Variants in FOXO3B observed in about 807,000 individuals in gnomAD.
FOXO3B encodes forkhead box protein O3B.
Under a neutral mutation model 21.9 loss-of-function variants are expected in FOXO3B, and 15 were observed. The observed-to-expected ratio is 0.68, with a 90% CI of 0.46 to 1.05. The LOEUF (loss-of-function observed/expected upper bound fraction) is 1.05, where lower values mean the gene tolerates loss of function less well. Ranked by LOEUF, FOXO3B falls within the 50% of genes least tolerant of loss-of-function variation. The pLI is 0.00. For synonymous variants in FOXO3B, 135 were observed against 213.6 expected, an observed-to-expected ratio of 0.63 and a Z score of 3.21; for missense variants, 293 against 435.5, an observed-to-expected ratio of 0.67 and a Z score of 2.91.
rs2032342541 is a variant in FOXO3B, at chr17:18,670,489, A to C, written c.*1820T>G. ...ATACCGCAAGTTAATGCATGTGAAA[A>C]ACTCAGAAAGTCAAAGGAAAACAAA... On this transcript the variant is annotated 3_prime_UTR_variant, in exon 4 of 4. Coordinates refer to ENST00000395675, the MANE Select transcript of FOXO3B (RefSeq NM_001368135.1). Among the ~76,000 whole-genome samples, 1 of 152,212 alleles carries C rather than the reference A, an allele frequency of 6.6e-6. No homozygotes were observed. The highest frequency in any genetic ancestry group is 2.1e-4 in the South Asian group (1 of 4,830).
chr17:18,679,709 A>G (rs2032551288), intron 3 of FOXO3B, among the ~76,000 whole-genome samples: 1 of 152,098 alleles, frequency 6.6e-6, no homozygotes, highest in Admixed American at 6.5e-5. Context: ...TAGCCTCTCA[A>G]AGTGCTGGGA....
intron 3 of FOXO3B, among the ~76,000 whole-genome samples, chr17:18,673,956 C>T (rs1342881845): frequency 6.7e-6 from 1 of 149,724 alleles, no homozygotes; most frequent in Non-Finnish European, 1.5e-5. Context: ...AGATTTCCAC[C>T]ACGTACAATT....
At chr17:18,674,642 G>GGA (rs1555619491) in intron 3 of FOXO3B, among the ~76,000 whole-genome samples, 1 of 146,220 alleles carries the variant, frequency 6.8e-6, no homozygotes, top group African/African-American at 2.6e-5. Context: ...AAAAAAAAGG[G>GGA]GGGGGGGAGA....
intron 3 of FOXO3B, 29 bp downstream of exon 3, chr17:18,680,712 T>C: frequency 1.2e-6 from 2 of 1,612,022 alleles, no homozygotes; most frequent in Non-Finnish European, 8.5e-7. Context: ...AAACAAGGTG[T>C]AATTCCAATA....
In FOXO3B at chr17:18,669,674, C is replaced by A. The variant is rs1350163792; in HGVS notation, c.*2635G>T. 1.3e-5 allele frequency among the ~76,000 whole-genome samples: 2 copies of A among 152,224 alleles called. No homozygotes were observed. The highest frequency in any genetic ancestry group is 2.1e-4 in the South Asian group (1 of 4,830). On this transcript the variant is annotated 3_prime_UTR_variant, in exon 4 of 4. Coordinates refer to ENST00000395675, the MANE Select transcript of FOXO3B (RefSeq NM_001368135.1). ...TTAAAACTGCCCTATTTTGTACTTCCATTGAGTCGCTTGTACAATTACAAC... is the reference window on the plus strand; with the variant it reads ...TTAAAACTGCCCTATTTTGTACTTCAATTGAGTCGCTTGTACAATTACAAC...
At chr17:18,677,146 T>G (rs371002510) in intron 3 of FOXO3B, 3 of 824,864 alleles carry the variant, frequency 3.6e-6, no homozygotes, top group Admixed American at 5.9e-5. Context: ...AACGCACATA[T>G]TCTGCTGCTG....
chr17:18,672,846 A>T lies in FOXO3B; in HGVS notation c.336T>A (p.Arg112=), dbSNP rs771342984. The T allele has an allele frequency of 1.2e-5, 19 of 1,558,568 alleles. No individual in the cohort carries two copies. The highest frequency in any genetic ancestry group is 3.5e-6 in the Non-Finnish European group (4 of 1,154,866). Reference sequence around the variant, plus strand: ...GCAGGGGCCACGTACAGGATCGCGGACGGCTCTGGGGCTCGAACTCCGGGT... The same window carrying T: ...GCAGGGGCCACGTACAGGATCGCGGTCGGCTCTGGGGCTCGAACTCCGGGT... ...ELDPEFEPQS[R]PRSCTWPLQR... The change falls in exon 4 of 4, where the codon CGT becomes CGA. Residue 112 remains arginine (R), a synonymous_variant. Coordinates refer to ENST00000395675, the MANE Select transcript of FOXO3B (RefSeq NM_001368135.1). The surrounding 1 kb of genome is among the most constrained non-coding windows in gnomAD (Gnocchi z 4.2).
At chr17:18,680,566 T>C (rs2032565790) in intron 3 of FOXO3B, among the ~76,000 whole-genome samples, 175 bp downstream of exon 3, 1 of 150,818 alleles carries the variant, frequency 6.6e-6, no homozygotes, top group Non-Finnish European at 1.5e-5. Flanking sequence ...TCCAGTGTTA[T>C]AAGTAGAAAA....
Position 18,671,326 on chromosome 17 carries a change from G to A in FOXO3B, c.*983C>T. 1 of 1,613,574 alleles carries A rather than the reference G, an allele frequency of 6.2e-7. No individual in the cohort carries two copies. The highest frequency in any genetic ancestry group is 1.3e-5 in the African/African-American group (1 of 74,902). ...CCCTGGGTTTGGTGCTGGTGGTGGAGCAAGTTCTGATTGACCACACTTCCC... is the reference window on the plus strand; with the variant it reads ...CCCTGGGTTTGGTGCTGGTGGTGGAACAAGTTCTGATTGACCACACTTCCC... On this transcript the variant is annotated 3_prime_UTR_variant, in exon 4 of 4. Transcript: ENST00000395675.
chr17:18,677,644 C>T (rs1324401258), intron 3 of FOXO3B: 2 of 1,608,588 alleles, frequency 1.2e-6, no homozygotes, highest in Non-Finnish European at 8.5e-7. Flanking sequence ...TCTGGGGCCC[C>T]AGGGGGCTTG....
chr17:18,679,983 G>A (rs2032556703), intron 3 of FOXO3B, among the ~76,000 whole-genome samples: 1 of 152,068 alleles, frequency 6.6e-6, no homozygotes, highest in Non-Finnish European at 1.5e-5. Flanking sequence ...GGGACTACAG[G>A]TGCGTGCCAC....
intron 3 of FOXO3B, among the ~76,000 whole-genome samples, chr17:18,679,218 C>T (rs1017323774): frequency 6.6e-6 from 1 of 152,196 alleles, no homozygotes; most frequent in Non-Finnish European, 1.5e-5. Flanking sequence ...TGATTTTATC[C>T]GCTGCAACTT....
intron 3 of FOXO3B, among the ~76,000 whole-genome samples, chr17:18,676,278 A>G (rs2032480341): frequency 6.6e-6 from 1 of 152,208 alleles, no homozygotes; most frequent in Admixed American, 6.5e-5. Flanking sequence ...GTTCCTAGTA[A>G]AGCTAAACAT....
At position 18,682,294 on chromosome 17, in the gene FOXO3B, T is replaced by A. The variant is rs143979093; in HGVS notation, c.-286A>T. ...GAAGGAGCGGAGCCAGGCGTGCTGCTCTCATTCCGCCCGGAACTACAATTC... is the reference window on the plus strand; with the variant it reads ...GAAGGAGCGGAGCCAGGCGTGCTGCACTCATTCCGCCCGGAACTACAATTC... On this transcript the variant is annotated 5_prime_UTR_variant, in exon 1 of 4. Coordinates refer to ENST00000395675, the MANE Select transcript of FOXO3B (RefSeq NM_001368135.1). 7.9e-5 allele frequency: 39 copies of A among 493,586 alleles called. 4 individuals carry two copies. Among genetic ancestry groups the A allele is most frequent in the African/African-American group, 7.0e-4 (34 of 48,264 alleles). 30.6% of individuals were successfully genotyped at this position (493,586 alleles called of 1,614,324 possible).
chr17:18,675,886 C>T (rs1328355783), intron 3 of FOXO3B, among the ~76,000 whole-genome samples: 1 of 151,824 alleles, frequency 6.6e-6, no homozygotes, highest in Non-Finnish European at 1.5e-5. Context: ...AGTAGATAGA[C>T]AATTCACAAA....
At chr17:18,675,924 T>G (rs1396558880) in intron 3 of FOXO3B, among the ~76,000 whole-genome samples, 1 of 152,200 alleles carries the variant, frequency 6.6e-6, no homozygotes. Flanking sequence ...AAATTTGTTA[T>G]TAAAAATGTT....
Position 18,677,611 on chromosome 17 carries a change from G to A in FOXO3B, c.126+3130C>T, listed in dbSNP as rs2032515437. On this transcript the variant is annotated intron_variant, in intron 3 of 3. Coordinates refer to ENST00000395675, the MANE Select transcript of FOXO3B (RefSeq NM_001368135.1). ...AAAGCCGGGCGGGCCCTGGCCAGTG[G>A]CACTGCAGCTTCCTCCACCGACTCT... is the stretch of plus-strand genomic sequence containing the variant. 5.6e-6 allele frequency: 9 copies of A among 1,607,084 alleles called. No homozygotes were observed. In the Admixed American group the frequency reaches 1.5e-4, roughly 27 times the overall value.
rs184969332 is a variant in FOXO3B at position 18,674,441 on chromosome 17, C to T, written c.127-1386G>A. On this transcript the variant is annotated intron_variant, in intron 3 of 3. Coordinates refer to ENST00000395675, the MANE Select transcript of FOXO3B (RefSeq NM_001368135.1). Reference sequence around the variant, plus strand: ...GAGATCGAGATCATCCTGGCTAACACGGTGAAACCCCATCTCTACTAAAAA... The same window carrying T: ...GAGATCGAGATCATCCTGGCTAACATGGTGAAACCCCATCTCTACTAAAAA... Among the ~76,000 whole-genome samples the T allele has an allele frequency of 1.5e-3, 222 of 147,654 alleles. 5 individuals carry two copies. Among genetic ancestry groups the T allele is most frequent in the East Asian group, 1.0e-2 (50 of 5,020 alleles).
At position 18,671,181 on chromosome 17, in the gene FOXO3B, G is replaced by A; in HGVS notation, c.*1128C>T. The A allele has an allele frequency of 7.4e-6, 7 of 943,328 alleles. No individual in the cohort carries two copies. Among genetic ancestry groups the A allele is most frequent in the Non-Finnish European group, 1.2e-5 (7 of 577,120 alleles). The allele number at this position is 943,328 out of a possible 1,614,324, so 58.4% of individuals were successfully genotyped here. A position where few individuals can be genotyped will look rare whatever the true frequency, so the allele number is the denominator to read the frequency against. On this transcript the variant is annotated 3_prime_UTR_variant, in exon 4 of 4. Transcript: ENST00000395675. ...GGAGCCTGAGAGAGAGTCCGAGAGGGTTTGCATAGACTGGCTGACAGGAGA... is the reference window on the plus strand; with the variant it reads ...GGAGCCTGAGAGAGAGTCCGAGAGGATTTGCATAGACTGGCTGACAGGAGA...
Sources: gnomAD v4.1 joint callset for allele counts (sites outside exome capture counted in the v4.1 genomes callset) on GRCh38, gnomAD v4.1.1 for gene constraint, Gnocchi (gnomAD v3.1) non-coding constraint, MANE v1.5 for transcripts, NCBI Gene and HGNC (gene_info 2026-07-23, HGNC 2026-07-21) for gene names.